PRTG: variants seen among roughly 807,000 people sequenced by gnomAD.
The protein encoded by PRTG is protogenin.
In PRTG, 67 loss-of-function variants were observed where a neutral mutation model predicts 122.5. That is an observed-to-expected ratio of 0.55 (90% CI 0.45 to 0.67). The LOEUF (loss-of-function observed/expected upper bound fraction) is 0.67, where lower values mean the gene tolerates loss of function less well. PRTG is among the 30% of genes least tolerant of loss of function. The probability of loss-of-function intolerance (pLI) is 0.00; values close to 1 mark genes in which losing one functional copy is unlikely to be tolerated. For synonymous variants in PRTG, 554 were observed against 501.1 expected (o/e 1.11, Z -1.41); for missense variants, 1,435 against 1,415.4 (o/e 1.01, Z -0.22).
chr15:55,653,762 C>T (rs921009249), intron 11 of PRTG, among the ~76,000 whole-genome samples: 2 of 152,156 alleles, frequency 1.3e-5, no homozygotes, highest in African/African-American at 4.8e-5. Context: ...CTGCGCCCGG[C>T]CAGATAATTT....
chr15:55,619,425 T>C lies in PRTG; in HGVS notation c.*587A>G, dbSNP rs2059154538. 6.5e-6 allele frequency: 1 copy of C among 152,812 alleles called. No homozygotes were observed. 9.5% of individuals were successfully genotyped at this position (152,812 alleles called of 1,614,324 possible). On this transcript the variant is annotated 3_prime_UTR_variant, in exon 20 of 20. Transcript: ENST00000389286. Reference sequence around the variant, plus strand: ...TTTTTAAAAAAATCAGAGCTTCAGATAAACATTCTTACTCATCTACCTATA... The same window carrying C: ...TTTTTAAAAAAATCAGAGCTTCAGACAAACATTCTTACTCATCTACCTATA...
intron 2 of PRTG, among the ~76,000 whole-genome samples, chr15:55,734,717 T>A: frequency 6.8e-6 from 1 of 146,398 alleles, no homozygotes; most frequent in East Asian, 2.0e-4. Context: ...TTTTAAACGC[T>A]CATCAAAAGT....
chr15:55,708,842 T>G (rs1015685025), intron 2 of PRTG, among the ~76,000 whole-genome samples: 1 of 151,204 alleles, frequency 6.6e-6, no homozygotes, highest in Non-Finnish European at 1.5e-5. Flanking sequence ...AAATACTTAA[T>G]AGAATTAGAG....
Position 55,692,835 on chromosome 15 carries a change from CTTTTTTTTTTTT to C in PRTG, c.398-8916_398-8905del, listed in dbSNP as rs774248341. 1.6e-4 allele frequency among the ~76,000 whole-genome samples: 12 copies of C among 74,978 alleles called. 1 individual carries two copies. Among genetic ancestry groups the C allele is most frequent in the African/African-American group, 4.5e-4 (9 of 20,202 alleles). 49.2% of individuals were successfully genotyped at this position (74,978 alleles called of 152,430 possible). A position where few individuals can be genotyped will look rare whatever the true frequency, so the allele number is the denominator to read the frequency against. ...TGTTTTTCCAATTTTAATGCAATCT[CTTTTTTTTTTTT>C]TTTTTTTTTTTGAGATGGAGGCTCA... On this transcript the variant is annotated intron_variant, in intron 2 of 19. Coordinates refer to ENST00000389286, the MANE Select transcript of PRTG (RefSeq NM_173814.6).
At chr15:55,675,740 AC>A in intron 8 of PRTG, 57 bp from the exon 9 acceptor site, 1 of 1,111,450 alleles carries the variant, frequency 9.0e-7, no homozygotes, top group Non-Finnish European at 1.3e-6. Context: ...AATTAACAAG[AC>A]CATTTTCCTG....
intron 12 of PRTG, 141 bp from the exon 13 acceptor site, chr15:55,639,969 A>C: frequency 1.4e-6 from 2 of 1,456,360 alleles, no homozygotes; most frequent in South Asian, 2.9e-5. Flanking sequence ...TGATCTAGAG[A>C]TGTATCATCC....
At chr15:55,658,324 T>A (rs990720980) in intron 11 of PRTG, among the ~76,000 whole-genome samples, 2 of 152,060 alleles carry the variant, frequency 1.3e-5, no homozygotes, top group Non-Finnish European at 2.9e-5. Flanking sequence ...TTATTTTTTT[T>A]TTTTTTTTTG....
intron 11 of PRTG, among the ~76,000 whole-genome samples, 164 bp downstream of exon 11, chr15:55,672,281 G>C (rs2059476222): frequency 6.6e-6 from 1 of 152,182 alleles, no homozygotes; most frequent in African/African-American, 2.4e-5. Context: ...GTAAGTCAAA[G>C]ACCAATCACT....
intron 2 of PRTG, among the ~76,000 whole-genome samples, chr15:55,721,093 C>T (rs548262482): frequency 5.9e-5 from 9 of 152,284 alleles, no homozygotes; most frequent in South Asian, 2.1e-4. Flanking sequence ...GTCACCCAAA[C>T]GAAATACTGG....
At chr15:55,622,361 G>T (rs1223034739) in intron 18 of PRTG, among the ~76,000 whole-genome samples, 1 of 149,372 alleles carries the variant, frequency 6.7e-6, no homozygotes, top group East Asian at 2.0e-4. Context: ...GGGATTACAG[G>T]CATGCATCAT....
chr15:55,627,096 AT>A lies in PRTG; in HGVS notation c.2838del (p.Lys946AsnfsTer3). 6.2e-7 allele frequency: 1 copy of A among 1,607,944 alleles called. No homozygotes were observed. The highest frequency in any genetic ancestry group is 1.7e-5 in the Admixed American group (1 of 59,890). ...ACACCTACAGCAATGCCAGTCATTG[AT>A]TTTTGGTCCAGATGGTAATATCCTG... ...VYSGYYHLDQKSMTGIAVGVG... is the reference protein window; with the variant it reads ...VYSGYYHLDQXSMTGIAVGVG... On this transcript the variant is annotated frameshift_variant, in exon 17 of 20. Coordinates refer to ENST00000389286, the MANE Select transcript of PRTG (RefSeq NM_173814.6). LOFTEE classifies it high-confidence loss of function.
At chr15:55,738,319 T>C (rs1176835968) in intron 2 of PRTG, 2 of 541,970 alleles carry the variant, frequency 3.7e-6, no homozygotes, top group African/African-American at 1.9e-5. Flanking sequence ...GTTACACCTA[T>C]CACACACCAT....
At chr15:55,707,319 T>C (rs1322172442) in intron 2 of PRTG, among the ~76,000 whole-genome samples, 1 of 152,230 alleles carries the variant, frequency 6.6e-6, no homozygotes, top group Admixed American at 6.5e-5. Flanking sequence ...GTCTAAACTA[T>C]ATCCAACTAG....
intron 2 of PRTG, among the ~76,000 whole-genome samples, chr15:55,729,502 C>G (rs2031155066): frequency 6.6e-6 from 1 of 151,946 alleles, no homozygotes; most frequent in South Asian, 2.1e-4. Flanking sequence ...TGCACTGGCA[C>G]ACACCTATAA....
intron 13 of PRTG, among the ~76,000 whole-genome samples, chr15:55,638,981 C>CATTCATTA (rs2059274163): frequency 6.6e-6 from 1 of 151,242 alleles, no homozygotes; most frequent in Non-Finnish European, 1.5e-5. Context: ...TTCATTCATT[C>CATTCATTA]ATTCATTCAT....
chr15:55,721,954 G>A (rs142356396), intron 2 of PRTG, among the ~76,000 whole-genome samples: 24 of 152,214 alleles, frequency 1.6e-4, no homozygotes, highest in African/African-American at 5.8e-4. Context: ...GGAGATTATG[G>A]GAACTACAAT....
chr15:55,680,362 GC>G (rs1461240215), intron 5 of PRTG, 128 bp downstream of exon 5: 3 of 1,189,604 alleles, frequency 2.5e-6, no homozygotes, highest in Non-Finnish European at 3.4e-6. Context: ...TCACTGAAAT[GC>G]CAAAAAAATT....
At chr15:55,720,898 T>C (rs2030795509) in intron 2 of PRTG, among the ~76,000 whole-genome samples, 1 of 152,124 alleles carries the variant, frequency 6.6e-6, no homozygotes, top group Non-Finnish European at 1.5e-5. Context: ...TTGGACAAGC[T>C]TGCTTTAGGT....
chr15:55,643,473 G>T (rs2059303834), intron 11 of PRTG, among the ~76,000 whole-genome samples: 1 of 152,128 alleles, frequency 6.6e-6, no homozygotes, highest in Admixed American at 6.5e-5. Context: ...TTACTCTGTT[G>T]CCCAGGCTGG....
Sources: gnomAD v4.1 joint callset for allele counts (sites outside exome capture counted in the v4.1 genomes callset) on GRCh38, gnomAD v4.1.1 for gene constraint, MANE v1.5 for transcripts, NCBI Gene and HGNC (gene_info 2026-07-23, HGNC 2026-07-21) for gene names.